SHQ1: variants seen among roughly 807,000 people sequenced by gnomAD.
SHQ1 encodes the protein protein SHQ1 homolog.
A neutral mutation model predicts 53.8 loss-of-function variants in SHQ1; 49 were observed. The ratio of observed to expected loss-of-function variants is 0.91; its 90% confidence interval spans 0.72 to 1.16. SHQ1 has a LOEUF of 1.16. Among genes scored for constraint, SHQ1 ranks in the 50% most tolerant of loss-of-function variants. SHQ1 has a pLI of 0.00. For synonymous variants in SHQ1, 243 were observed against 251.0 expected, an observed-to-expected ratio of 0.97 and a Z score of 0.30; for missense variants, 738 against 683.1, an observed-to-expected ratio of 1.08 and a Z score of -0.90.
At chr3:72,744,105 T>A in the SHQ1 span, among the ~76,000 whole-genome samples, 1 of 152,188 alleles carries the variant, frequency 6.6e-6, no homozygotes, top group Non-Finnish European at 1.5e-5. Context: ...TGGATTGCAA[T>A]GGGACTATTG....
chr3:72,836,912 T>C (rs1033415676), intron 4 of SHQ1, among the ~76,000 whole-genome samples: 1 of 152,218 alleles, frequency 6.6e-6, no homozygotes, highest in Non-Finnish European at 1.5e-5. Flanking sequence ...AGGCACAGGT[T>C]AGGCAGAGAC....
chr3:72,841,278 G>C (rs1227954864), intron 3 of SHQ1, 79 bp from the exon 4 acceptor site: 2 of 1,145,916 alleles, frequency 1.7e-6, no homozygotes, highest in African/African-American at 3.2e-5. Flanking sequence ...AGGAAAAAAT[G>C]CCCACAAAGA....
At chr3:72,754,478 T>G (rs1042193713) in intron 10 of SHQ1, among the ~76,000 whole-genome samples, 3 of 151,536 alleles carry the variant, frequency 2.0e-5, no homozygotes, top group African/African-American at 7.3e-5. Context: ...ACTTCCTGGG[T>G]TCAAGAGATT....
chr3:72,751,508 G>GTGTGTGTGTGTGTATATATA (rs1210782182), intron 10 of SHQ1, among the ~76,000 whole-genome samples: 2 of 116,984 alleles, frequency 1.7e-5, no homozygotes, highest in African/African-American at 8.8e-5. Flanking sequence ...GTGTGTGTGT[G>GTGTGTGTGTGTGTATATATA]TATATATATA....
At chr3:72,747,672 C>T (rs1022019538), downstream of SHQ1, among the ~76,000 whole-genome samples, 14 of 152,138 alleles carry the variant, frequency 9.2e-5, no homozygotes, top group African/African-American at 3.4e-4. Context: ...GAGAGGAGAG[C>T]CCTCTTCTAG....
At chr3:72,753,173 G>A in intron 10 of SHQ1, 1 of 985,412 alleles carries the variant, frequency 1.0e-6, no homozygotes, top group South Asian at 4.7e-5. Flanking sequence ...GTGAGTGAAA[G>A]TGGTAAACAT....
At chr3:72,777,893 C>A (rs1198705836) in intron 10 of SHQ1, among the ~76,000 whole-genome samples, 1 of 152,194 alleles carries the variant, frequency 6.6e-6, no homozygotes, top group Non-Finnish European at 1.5e-5. Flanking sequence ...CCATCTACAA[C>A]TCTATGCATC....
chr3:72,806,598 T>C (rs1706954246), intron 9 of SHQ1, among the ~76,000 whole-genome samples: 1 of 152,142 alleles, frequency 6.6e-6, no homozygotes, highest in Non-Finnish European at 1.5e-5. Flanking sequence ...AAAGAAACTA[T>C]CAACTAGTTT....
At position 72,793,036 on chromosome 3, in the gene SHQ1, C is replaced by A. The variant is rs1706490157; in HGVS notation, c.1061G>T (p.Gly354Val). Residue 354 changes from glycine to valine, a missense_variant and splice_region_variant, in exon 10 of 11, where the codon GGT (glycine) becomes GTT (valine). Transcript: ENST00000325599. ...GAGACACTTTAAAACTGCACTTTTA[C>A]CTAAAGAAAATTGAAAAAACATAAA... The part of the protein sequence containing the change: ...YRDTIKILQL[G>V]KSAVLKCLLD... 1 of 1,595,870 alleles carries A rather than the reference C, an allele frequency of 6.3e-7. No individual in the cohort carries two copies. The highest frequency in any genetic ancestry group is 1.1e-5 in the South Asian group (1 of 87,094).
the SHQ1 span, among the ~76,000 whole-genome samples, chr3:72,739,254 A>G: frequency 1.6e-3 from 249 of 152,104 alleles, 1 homozygote; most frequent in African/African-American, 5.8e-3. Flanking sequence ...CAACGTGGCA[A>G]CGCCCCTCCC....
intron 10 of SHQ1, among the ~76,000 whole-genome samples, chr3:72,769,695 G>C (rs1705804626): frequency 6.6e-6 from 1 of 152,152 alleles, no homozygotes; most frequent in African/African-American, 2.4e-5. Context: ...GCCAGGGTTT[G>C]CTCAGCAGTC....
chr3:72,754,445 G>T (rs1365575248), intron 10 of SHQ1, among the ~76,000 whole-genome samples: 1 of 150,816 alleles, frequency 6.6e-6, no homozygotes, highest in African/African-American at 2.4e-5. Flanking sequence ...GCAACAGCAC[G>T]ATCTCGGCTC....
chr3:72,802,763 A>G (rs763165613), intron 9 of SHQ1, among the ~76,000 whole-genome samples: 1 of 152,128 alleles, frequency 6.6e-6, no homozygotes, highest in Non-Finnish European at 1.5e-5. Context: ...ACTACTAACA[A>G]GCACTCTATC....
intron 2 of SHQ1, among the ~76,000 whole-genome samples, chr3:72,842,860 G>T (rs1176106400): frequency 1.3e-5 from 2 of 151,490 alleles, no homozygotes; most frequent in Non-Finnish European, 2.9e-5. Flanking sequence ...CGGATCATGA[G>T]GTCAAGAGAT....
intron 10 of SHQ1, among the ~76,000 whole-genome samples, chr3:72,769,627 G>A (rs1212869863): frequency 6.6e-6 from 1 of 152,102 alleles, no homozygotes; most frequent in African/African-American, 2.4e-5. Context: ...TACTCCACTA[G>A]GCCTTGCAGA....
the SHQ1 span, among the ~76,000 whole-genome samples, chr3:72,732,775 A>G: frequency 6.6e-6 from 1 of 151,332 alleles, no homozygotes; most frequent in Non-Finnish European, 1.5e-5. Flanking sequence ...CTTGACCAAC[A>G]AGCCTCGAGC....
At chr3:72,765,545 A>G (rs866400985) in intron 10 of SHQ1, among the ~76,000 whole-genome samples, 1 of 94,128 alleles carries the variant, frequency 1.1e-5, no homozygotes, top group Non-Finnish European at 1.9e-5. Context: ...ATATATATAT[A>G]TATATATATA....
intron 9 of SHQ1, among the ~76,000 whole-genome samples, chr3:72,806,446 G>GA (rs1327051657): frequency 4.0e-5 from 6 of 150,994 alleles, no homozygotes; most frequent in African/African-American, 1.2e-4. Context: ...AATTAAGCCA[G>GA]AAAAAAAAAG....
At chr3:72,772,222 C>T (rs1432247422) in intron 10 of SHQ1, among the ~76,000 whole-genome samples, 4 of 140,368 alleles carry the variant, frequency 2.8e-5, no homozygotes, top group South Asian at 2.2e-4. Flanking sequence ...TGTGCCAAAG[C>T]GAAAAAAAAA....
Sources: allele counts gnomAD v4.1 joint callset (sites outside exome capture counted in the v4.1 genomes callset), GRCh38; gene constraint gnomAD v4.1.1; transcripts MANE v1.5; gene names NCBI Gene and HGNC (gene_info 2026-07-23, HGNC 2026-07-21).